NIPBL: variants seen among roughly 807,000 people sequenced by gnomAD.
NIPBL encodes nipped-B-like protein.
NIPBL carries 19 observed loss-of-function variants against 321.8 expected under a neutral mutation model. That is an observed-to-expected ratio of 0.06 (90% CI 0.04 to 0.09). The LOEUF (loss-of-function observed/expected upper bound fraction) is 0.09. NIPBL is among the 10% of genes least tolerant of loss of function. NIPBL has a pLI of 1.00. For missense variants in NIPBL, 2,210 were observed against 3,327.0 expected (o/e 0.66, Z 8.26); for synonymous variants, 1,106 against 1,114.1 (o/e 0.99, Z 0.14).
At chr5:36,883,660 G>T (rs1231136308) in intron 1 of NIPBL, among the ~76,000 whole-genome samples, 2 of 151,802 alleles carry the variant, frequency 1.3e-5, no homozygotes. Context: ...TTTAATCCTG[G>T]TGAGGAAATA....
chr5:37,032,053 A>G (rs924915390), intron 32 of NIPBL, among the ~76,000 whole-genome samples: 2 of 152,086 alleles, frequency 1.3e-5, no homozygotes, highest in Non-Finnish European at 2.9e-5. Context: ...TAGAAATGCA[A>G]ATTCTTAGGC....
In NIPBL at chr5:36,887,708, A is replaced by T. The variant is rs548201390; in HGVS notation, c.-80+10530A>T. Among the ~76,000 whole-genome samples, 11 of 152,194 alleles carry T rather than the reference A, an allele frequency of 7.2e-5. No individual in the cohort carries two copies. The South Asian group carries it at 2.3e-3, about 32-fold the overall frequency. ...CCTGTTGATCTCATTTATTCACATG[A>T]CTTGTTACATGCTACCTGTGTGCTG... On this transcript the variant is annotated intron_variant, in intron 1 of 46. Transcript: ENST00000282516.
intron 8 of NIPBL, among the ~76,000 whole-genome samples, chr5:36,973,850 G>T (rs997529115): frequency 3.9e-5 from 6 of 152,036 alleles, no homozygotes; most frequent in African/African-American, 1.4e-4. Flanking sequence ...CCTCCAACAG[G>T]CCCTGGTGTG....
At position 36,917,495 on chromosome 5, in the gene NIPBL, C is replaced by A. The variant is rs553472497; in HGVS notation, c.-79-36123C>A. On this transcript the variant is annotated intron_variant, in intron 1 of 46. Transcript: ENST00000282516. Reference sequence around the variant, plus strand: ...TGTGCAGAAGCTCTTTAATTAGATCCCATTTGTCAATTTTGGCTTTTGTTG... The same window carrying A: ...TGTGCAGAAGCTCTTTAATTAGATCACATTTGTCAATTTTGGCTTTTGTTG... Among the ~76,000 whole-genome samples, 240 of 152,182 alleles carry A rather than the reference C, an allele frequency of 1.6e-3. 1 individual carries two copies. Among genetic ancestry groups the A allele is most frequent in the African/African-American group, 5.5e-3 (230 of 41,518 alleles).
chr5:36,929,666 A>G (rs1749632013), intron 1 of NIPBL, among the ~76,000 whole-genome samples: 1 of 152,114 alleles, frequency 6.6e-6, no homozygotes, highest in African/African-American at 2.4e-5. Context: ...CTAAGGTCAC[A>G]GATGTTTTCT....
intron 6 of NIPBL, among the ~76,000 whole-genome samples, chr5:36,963,669 G>C (rs1410157061): frequency 6.6e-6 from 1 of 152,002 alleles, no homozygotes; most frequent in Non-Finnish European, 1.5e-5. Context: ...AGGCATGGTG[G>C]CATTTACTTG....
intron 1 of NIPBL, among the ~76,000 whole-genome samples, chr5:36,945,398 A>G (rs1739555176): frequency 6.6e-6 from 1 of 152,192 alleles, no homozygotes; most frequent in Non-Finnish European, 1.5e-5. Flanking sequence ...TTCTCAGCAA[A>G]CATACACATA....
At chr5:36,966,636 TTCAGTGAATC>T (rs1257260457) in intron 6 of NIPBL, among the ~76,000 whole-genome samples, 1 of 152,086 alleles carries the variant, frequency 6.6e-6, no homozygotes, top group African/African-American at 2.4e-5. Context: ...GGGGGTAGCA[TTCAGTGAATC>T]TCATTTTATC....
Position 36,985,572 on chromosome 5 carries a change from G to A in NIPBL, c.2392G>A (p.Ala798Thr). The change falls in exon 10 of 47, where the codon GCT becomes ACT. Residue 798 changes from alanine to threonine, a missense_variant. By Grantham distance (58) the Ala-to-Thr change is moderately conservative (BLOSUM62 0). Coordinates refer to ENST00000282516, the MANE Select transcript of NIPBL (RefSeq NM_133433.4). ...SDSPRLKSER[A>T]EALKQRPDGR... ...CTCACCTCGGTTAAAATCAGAACGA[G>A]CTGAAGCCTTAAAGCAGAGACCTGA... 6.2e-7 allele frequency: 1 copy of A among 1,613,880 alleles called. No individual in the cohort carries two copies. Among genetic ancestry groups the A allele is most frequent in the Middle Eastern group, 1.6e-4 (1 of 6,062 alleles).
At chr5:36,981,377 T>C (rs1337753208) in intron 9 of NIPBL, among the ~76,000 whole-genome samples, 1 of 151,674 alleles carries the variant, frequency 6.6e-6, no homozygotes, top group Non-Finnish European at 1.5e-5. Flanking sequence ...TAGGCTGTGG[T>C]AGACCCTATT....
intron 1 of NIPBL, among the ~76,000 whole-genome samples, chr5:36,934,273 T>TA (rs1462242142): frequency 6.6e-6 from 1 of 152,148 alleles, no homozygotes; most frequent in African/African-American, 2.4e-5. Flanking sequence ...TTTTTAAAAA[T>TA]TAATGAGACA....
chr5:36,918,471 C>G (rs1748655009), intron 1 of NIPBL, among the ~76,000 whole-genome samples: 2 of 152,258 alleles, frequency 1.3e-5, no homozygotes, highest in South Asian at 2.1e-4. Context: ...CATCTGCAAA[C>G]AGGGACAATT....
chr5:36,957,866 C>T (rs1741151459), intron 3 of NIPBL, among the ~76,000 whole-genome samples: 2 of 151,858 alleles, frequency 1.3e-5, no homozygotes, highest in Admixed American at 6.6e-5. Context: ...ACCTGTAATC[C>T]CAGCTACTCG....
chr5:37,007,299 T>C (rs1033029106), intron 17 of NIPBL, 24 bp from the exon 18 acceptor site: 3 of 1,601,898 alleles, frequency 1.9e-6, no homozygotes, highest in Admixed American at 1.7e-5. Flanking sequence ...ATGTTTTCCT[T>C]ATCTTGAATT....
At chr5:36,970,432 A>T (rs556481957) in intron 6 of NIPBL, among the ~76,000 whole-genome samples, 462 of 141,374 alleles carry the variant, frequency 3.3e-3, no homozygotes, top group African/African-American at 0.012. Context: ...TATATATATA[A>T]AATCTCAGTA....
intron 1 of NIPBL, among the ~76,000 whole-genome samples, chr5:36,882,446 G>A (rs990162658): frequency 5.3e-5 from 8 of 151,878 alleles, no homozygotes; most frequent in Admixed American, 6.6e-5. Context: ...GAATGATTAC[G>A]TGACTAGCCC....
intron 1 of NIPBL, among the ~76,000 whole-genome samples, chr5:36,887,456 T>C (rs1427856236): frequency 6.6e-6 from 1 of 152,162 alleles, no homozygotes; most frequent in Non-Finnish European, 1.5e-5. Flanking sequence ...TTACTGAAAA[T>C]TGGGGGCAGA....
chr5:37,027,930 A>G (rs1024670964), intron 32 of NIPBL, among the ~76,000 whole-genome samples: 1 of 152,054 alleles, frequency 6.6e-6, no homozygotes, highest in Non-Finnish European at 1.5e-5. Flanking sequence ...TCAGTTGTCT[A>G]TTGTACAAGT....
intron 16 of NIPBL, among the ~76,000 whole-genome samples, chr5:37,004,399 C>CTT (rs1209687707): frequency 6.9e-6 from 1 of 145,434 alleles, no homozygotes. Context: ...CTTTCTCTCC[C>CTT]TTTTTTTTTT....
Sources: allele counts gnomAD v4.1 joint callset (sites outside exome capture counted in the v4.1 genomes callset), GRCh38; gene constraint gnomAD v4.1.1; transcripts MANE v1.5; gene names NCBI Gene and HGNC (gene_info 2026-07-23, HGNC 2026-07-21).